The following HHAT variants were observed in gnomAD, a reference collection of about 807,000 sequenced individuals.
HHAT encodes the protein hedgehog acyltransferase.
In HHAT, 47 loss-of-function variants were observed where a neutral mutation model predicts 70.8. The ratio of observed to expected loss-of-function variants is 0.66; its 90% CI spans 0.53 to 0.85. The LOEUF is 0.85. Among genes scored for constraint, HHAT ranks in the 40% least tolerant of loss-of-function variants. The pLI, the probability that HHAT is intolerant of heterozygous loss-of-function variation, is 0.00. For synonymous variants in HHAT, 228 were observed against 247.6 expected, an observed-to-expected ratio of 0.92 and a Z score of 0.74; for missense variants, 609 against 604.8, an observed-to-expected ratio of 1.01 and a Z score of -0.07.
At chr1:210,373,911 A>AT (rs1413063265) in intron 3 of HHAT, among the ~76,000 whole-genome samples, 4 of 152,188 alleles carry the variant, frequency 2.6e-5, no homozygotes, top group Non-Finnish European at 5.9e-5. Context: ...GAGTCTCCAA[A>AT]TTGTCTAAGC....
chr1:210,419,470 T>C (rs933380107), intron 7 of HHAT, among the ~76,000 whole-genome samples: 7 of 152,200 alleles, frequency 4.6e-5, no homozygotes, highest in Non-Finnish European at 7.3e-5. Flanking sequence ...CTCTCTCCTT[T>C]TGAGGACTCC....
At chr1:210,397,814 C>T (rs2091875359) in intron 4 of HHAT, among the ~76,000 whole-genome samples, 1 of 152,154 alleles carries the variant, frequency 6.6e-6, no homozygotes, top group Non-Finnish European at 1.5e-5. Flanking sequence ...TGGGCCATGT[C>T]ACCCTTTTAT....
chr1:210,638,166 A>G (rs367608333), intron 11 of HHAT, among the ~76,000 whole-genome samples: 10 of 152,250 alleles, frequency 6.6e-5, no homozygotes, highest in Admixed American at 2.0e-4. Flanking sequence ...GAGTTACTAT[A>G]TGACATAGCA....
At chr1:210,468,470 T>G (rs1441110789) in intron 8 of HHAT, among the ~76,000 whole-genome samples, 1 of 152,206 alleles carries the variant, frequency 6.6e-6, no homozygotes, top group Non-Finnish European at 1.5e-5. Flanking sequence ...GGCAAACTCA[T>G]GCATGATTGC....
At position 210,516,080 on chromosome 1, in the gene HHAT, G is replaced by GAA. The variant is rs11449031; in HGVS notation, c.1043+2900_1043+2901dup. On this transcript the variant is annotated intron_variant, in intron 9 of 11. Transcript: ENST00000261458. ...GTAAGACTCTGTCTCAAAAGAAAAA[G>GAA]AAAAAAAAAGGTATTTTCTGCCCCC... 2.3e-3 allele frequency among the ~76,000 whole-genome samples: 331 copies of GAA among 143,536 alleles called. 1 individual carries two copies. The highest frequency in any genetic ancestry group is 7.1e-3 in the Middle Eastern group (2 of 282). 94.2% of individuals were successfully genotyped at this position (143,536 alleles called of 152,430 possible).
intron 9 of HHAT, among the ~76,000 whole-genome samples, chr1:210,514,570 A>AT (rs1447590411): frequency 6.6e-6 from 1 of 151,912 alleles, no homozygotes; most frequent in African/African-American, 2.4e-5. Context: ...TACTCTTCTT[A>AT]TTTTTTCTAG....
intron 9 of HHAT, among the ~76,000 whole-genome samples, chr1:210,567,545 G>T (rs17016492): frequency 0.059 from 9,047 of 152,196 alleles, 854 homozygotes; most frequent in African/African-American, 0.2. Flanking sequence ...GAAATCCTTT[G>T]CTGATTATCA....
intron 3 of HHAT, among the ~76,000 whole-genome samples, chr1:210,364,001 A>G (rs1290508661): frequency 2.0e-5 from 3 of 152,096 alleles, no homozygotes; most frequent in East Asian, 1.9e-4. Context: ...ATGTAGCTCA[A>G]TTTCCATTTT....
chr1:210,426,920 C>T (rs2093080429), intron 7 of HHAT, among the ~76,000 whole-genome samples: 1 of 152,158 alleles, frequency 6.6e-6, no homozygotes, highest in Non-Finnish European at 1.5e-5. Context: ...ATGGTGCCAG[C>T]TCTTTTTTGT....
intron 9 of HHAT, among the ~76,000 whole-genome samples, chr1:210,514,668 T>G (rs1209942258): frequency 1.3e-5 from 2 of 152,068 alleles, no homozygotes; most frequent in Non-Finnish European, 2.9e-5. Flanking sequence ...TCAACAAACA[T>G]TAGGGCTAGG....
intron 11 of HHAT, among the ~76,000 whole-genome samples, chr1:210,658,824 C>T (rs1677021533): frequency 6.6e-6 from 1 of 152,248 alleles, no homozygotes; most frequent in African/African-American, 2.4e-5. Flanking sequence ...GAACAACTTG[C>T]TCCCGAATGA....
chr1:210,407,555 G>A (rs559984036), intron 6 of HHAT, among the ~76,000 whole-genome samples: 6 of 152,220 alleles, frequency 3.9e-5, no homozygotes, highest in Non-Finnish European at 7.3e-5. Context: ...AAATGAGGGA[G>A]GTATAGAAGC....
chr1:210,498,865 G>T lies in HHAT; in HGVS notation c.1008-14288G>T, dbSNP rs370195727. On this transcript the variant is annotated intron_variant, in intron 8 of 11. Coordinates refer to ENST00000261458, the MANE Select transcript of HHAT (RefSeq NM_018194.6). ...GCTCACTGCAACCTCCATCTCCTGGGTTCAAGTGATTCTCCTGCCTCAGCC... is the reference window on the plus strand; with the variant it reads ...GCTCACTGCAACCTCCATCTCCTGGTTTCAAGTGATTCTCCTGCCTCAGCC... Among the ~76,000 whole-genome samples, 17 of 151,006 alleles carry T rather than the reference G, an allele frequency of 1.1e-4. No homozygotes were observed. In the East Asian group the frequency reaches 3.4e-3, roughly 30 times the overall value.
In HHAT at chr1:210,474,067, C is replaced by G. The variant is rs555728968; in HGVS notation, c.1007+9412C>G. ...ATCAGCTGAGACTTCATCTTCTACACTCCATCTAAAATTTATTTTTACGTA... is the reference window on the plus strand; with the variant it reads ...ATCAGCTGAGACTTCATCTTCTACAGTCCATCTAAAATTTATTTTTACGTA... On this transcript the variant is annotated intron_variant, in intron 8 of 11. Transcript: ENST00000261458. Among the ~76,000 whole-genome samples, 4 of 152,302 alleles carry G rather than the reference C, an allele frequency of 2.6e-5. No homozygotes were observed. The South Asian group carries it at 8.3e-4, about 32-fold the overall frequency.
intron 10 of HHAT, among the ~76,000 whole-genome samples, chr1:210,619,370 A>C (rs1028389236): frequency 6.6e-6 from 1 of 152,176 alleles, no homozygotes; most frequent in Non-Finnish European, 1.5e-5. Context: ...CCGGGGGCAC[A>C]GGAGGCTCCT....
At chr1:210,492,858 C>T (rs774892429) in intron 8 of HHAT, among the ~76,000 whole-genome samples, 4 of 152,102 alleles carry the variant, frequency 2.6e-5, no homozygotes, top group Non-Finnish European at 5.9e-5. Context: ...CTACTCTGTG[C>T]ATTAGTTTTT....
intron 2 of HHAT, 125 bp from the exon 3 acceptor site, chr1:210,362,727 G>A: frequency 1.4e-6 from 1 of 714,062 alleles, no homozygotes. Flanking sequence ...ATGTTTCCGT[G>A]CCTGCACCTT....
chr1:210,562,746 C>T (rs2095635203), intron 9 of HHAT, among the ~76,000 whole-genome samples: 1 of 151,492 alleles, frequency 6.6e-6, no homozygotes. Context: ...TGTTGGTGTG[C>T]TACATCCAGT....
At chr1:210,601,334 C>T (rs5024058) in intron 10 of HHAT, among the ~76,000 whole-genome samples, 140,821 of 152,022 alleles carry the variant, frequency 0.93, 66,094 homozygotes, top group East Asian at 1. Flanking sequence ...AAAACCTTTT[C>T]GTTAGGGGTC....
Sources: gnomAD v4.1 joint callset for allele counts (sites outside exome capture counted in the v4.1 genomes callset) on GRCh38, gnomAD v4.1.1 for gene constraint, MANE v1.5 for transcripts, NCBI Gene and HGNC (gene_info 2026-07-23, HGNC 2026-07-21) for gene names.